The following EML4 variants were observed in gnomAD, a reference collection of about 807,000 sequenced individuals.
EML4 encodes the protein echinoderm microtubule-associated protein-like 4.
Under a neutral mutation model 129.0 loss-of-function variants are expected in EML4, and 72 were observed. That is an observed-to-expected ratio of 0.56 (90% CI 0.46 to 0.68). The LOEUF (loss-of-function observed/expected upper bound fraction) is 0.68. Ranked by LOEUF, EML4 falls within the 30% of genes least tolerant of loss-of-function variation. The pLI, the probability that EML4 is intolerant of heterozygous loss-of-function variation, is 0.00. For missense variants in EML4, 1,363 were observed against 1,190.6 expected (o/e 1.14, Z -2.13); for synonymous variants, 532 against 405.0 (o/e 1.31, Z -3.77).
At chr2:42,267,108 T>A (rs184518332) in intron 6 of EML4, among the ~76,000 whole-genome samples, 2 of 152,208 alleles carry the variant, frequency 1.3e-5, no homozygotes, top group Admixed American at 6.5e-5. Flanking sequence ...TCAACCTCCC[T>A]AAGTCTTTGT....
chr2:42,277,109 C>G (rs1483539938), intron 6 of EML4, among the ~76,000 whole-genome samples: 1 of 152,154 alleles, frequency 6.6e-6, no homozygotes, highest in East Asian at 1.9e-4. Context: ...ACCTACACTC[C>G]TTTCTAAGTG....
At chr2:42,311,309 G>C (rs933170518) in intron 17 of EML4, among the ~76,000 whole-genome samples, 1 of 152,220 alleles carries the variant, frequency 6.6e-6, no homozygotes, top group African/African-American at 2.4e-5. Context: ...GCTCACACCT[G>C]TAATCCCAGC....
chr2:42,175,927 AG>A (rs1558474121), intron 1 of EML4, among the ~76,000 whole-genome samples: 1 of 151,858 alleles, frequency 6.6e-6, no homozygotes, highest in African/African-American at 2.4e-5. Flanking sequence ...TCCTATGCTT[AG>A]TTTTTTAATA....
chr2:42,258,413 T>A (rs1020068192), intron 3 of EML4, among the ~76,000 whole-genome samples: 6 of 151,690 alleles, frequency 4.0e-5, no homozygotes, highest in Admixed American at 6.6e-5. Context: ...ATATATATAT[T>A]TTTTGAGATG....
intron 11 of EML4, among the ~76,000 whole-genome samples, chr2:42,291,606 A>C (rs544143677): frequency 6.6e-6 from 1 of 151,854 alleles, no homozygotes; most frequent in African/African-American, 2.4e-5. Flanking sequence ...GAGTTTCACC[A>C]TGTTGGCCAG....
intron 11 of EML4, among the ~76,000 whole-genome samples, chr2:42,294,771 T>G (rs1280337452): frequency 6.6e-6 from 1 of 152,176 alleles, no homozygotes; most frequent in Non-Finnish European, 1.5e-5. Flanking sequence ...TTTCTTTTCT[T>G]TCTTTCAATA....
At chr2:42,175,770 A>G (rs953384134) in intron 1 of EML4, among the ~76,000 whole-genome samples, 3 of 152,308 alleles carry the variant, frequency 2.0e-5, no homozygotes, top group Non-Finnish European at 4.4e-5. Flanking sequence ...AAGTGCTGGG[A>G]TTAGAGGTGT....
chr2:42,254,391 G>C (rs537415911), intron 2 of EML4, among the ~76,000 whole-genome samples: 1 of 151,490 alleles, frequency 6.6e-6, no homozygotes, highest in Non-Finnish European at 1.5e-5. Context: ...CCGGGAGGCC[G>C]TGGCAGCAGT....
intron 6 of EML4, among the ~76,000 whole-genome samples, chr2:42,273,775 G>C (rs546840389): frequency 3.9e-4 from 59 of 152,164 alleles, no homozygotes; most frequent in Non-Finnish European, 5.4e-4. Flanking sequence ...AAATAAGAAA[G>C]TTAGATTATA....
chr2:42,194,252 A>G (rs896179064), intron 1 of EML4, among the ~76,000 whole-genome samples: 2 of 150,990 alleles, frequency 1.3e-5, no homozygotes, highest in African/African-American at 4.9e-5. Context: ...GTATATTTGT[A>G]TATTTTTCAA....
At chr2:42,171,678 C>T (rs1247207060) in intron 1 of EML4, among the ~76,000 whole-genome samples, 1 of 152,068 alleles carries the variant, frequency 6.6e-6, no homozygotes, top group Non-Finnish European at 1.5e-5. Flanking sequence ...TGGTGTTAAT[C>T]AGGAGCAGAG....
At position 42,288,264 on chromosome 2, in the gene EML4, A is replaced by G. The variant is rs369031095; in HGVS notation, c.1160A>G (p.Asn387Ser). The change falls in exon 11 of 23, where the codon AAT (asparagine) becomes AGT (serine). Residue 387 changes from asparagine (N) to serine (S), a missense_variant. Physicochemically the swap from Asn to Ser is conservative, Grantham distance 46. Transcript: ENST00000318522. ...CATTTATGTATTATTGATGACTCCA[A>G]TGAGCATATGCTTACTGTATGGGAC... ...GVHLCIIDDS[N>S]EHMLTVWDWQ... The G allele has an allele frequency of 6.4e-5, 101 of 1,568,834 alleles. No individual in the cohort carries two copies. The highest frequency in any genetic ancestry group is 1.8e-4 in the African/African-American group (13 of 73,896).
chr2:42,265,072 A>G, intron 6 of EML4: 1 of 928,566 alleles, frequency 1.1e-6, no homozygotes. Context: ...CAGTGATTTG[A>G]GCTAGATGAA....
chr2:42,172,314 CTG>C (rs1410071580), intron 1 of EML4, among the ~76,000 whole-genome samples: 1 of 152,160 alleles, frequency 6.6e-6, no homozygotes, highest in East Asian at 1.9e-4. Context: ...AAAATTCAAA[CTG>C]TACCCTTGAT....
intron 6 of EML4, among the ~76,000 whole-genome samples, chr2:42,277,591 A>G (rs1389333003): frequency 1.4e-5 from 2 of 141,612 alleles, no homozygotes; most frequent in East Asian, 4.0e-4. Flanking sequence ...TTTTTTTGAG[A>G]CGGAGTCTCA....
intron 1 of EML4, among the ~76,000 whole-genome samples, chr2:42,173,065 T>C (rs1258056172): frequency 6.6e-6 from 1 of 152,218 alleles, no homozygotes; most frequent in Non-Finnish European, 1.5e-5. Context: ...GATTAGGATC[T>C]ATAAGAAACA....
intron 6 of EML4, chr2:42,264,933 C>T (rs1012761740): frequency 1.5e-5 from 24 of 1,549,976 alleles, no homozygotes; most frequent in Middle Eastern, 1.7e-4. Context: ...AATGTCAACT[C>T]GCGAAAAAAA....
chr2:42,290,596 G>C (rs1667582743), intron 11 of EML4, among the ~76,000 whole-genome samples: 1 of 151,836 alleles, frequency 6.6e-6, no homozygotes, highest in African/African-American at 2.4e-5. Context: ...GCAGGGTATG[G>C]TGGTGCACAT....
At chr2:42,289,273 A>G (rs1667482986) in intron 11 of EML4, 1 of 152,226 alleles carries the variant, frequency 6.6e-6, no homozygotes, top group Non-Finnish European at 1.5e-5. Flanking sequence ...TTGATTCTTC[A>G]TAGTAAGGTT....
Sources: gnomAD v4.1 joint callset for allele counts (sites outside exome capture counted in the v4.1 genomes callset) on GRCh38, gnomAD v4.1.1 for gene constraint, MANE v1.5 for transcripts, NCBI Gene and HGNC (gene_info 2026-07-23, HGNC 2026-07-21) for gene names.